PTER: variants seen among roughly 807,000 people sequenced by gnomAD.
PTER encodes the protein N-acetyltaurine hydrolase.
In PTER, 38 loss-of-function variants were observed where a neutral mutation model predicts 29.6. The observed-to-expected ratio is 1.28, with a 90% CI of 0.99 to 1.68. The LOEUF is 1.68. Among genes scored for constraint, PTER ranks in the 40% most tolerant of loss-of-function variants. The probability of loss-of-function intolerance (pLI) is 0.00; values close to 1 mark genes in which losing one functional copy is unlikely to be tolerated. For missense variants in PTER, 482 were observed against 427.8 expected, an observed-to-expected ratio of 1.13 and a Z score of -1.12; for synonymous variants, 172 against 154.5, an observed-to-expected ratio of 1.11 and a Z score of -0.84.
At chr10:16,502,980 C>A (rs1836412066) in intron 3 of PTER, among the ~76,000 whole-genome samples, 1 of 116,708 alleles carries the variant, frequency 8.6e-6, no homozygotes, top group Non-Finnish European at 1.6e-5. Flanking sequence ...CAGAGGGAGA[C>A]TCTGTCTCAA....
chr10:16,457,023 A>C (rs116054744), intron 1 of PTER, among the ~76,000 whole-genome samples: 5 of 152,196 alleles, frequency 3.3e-5, no homozygotes, highest in African/African-American at 9.6e-5. Context: ...TGAGTCCATT[A>C]AACCTTTTTT....
rs1836837957 is a variant in PTER, at chr10:16,512,182, T to C, written c.*926T>C. 1 of 152,204 alleles carries C rather than the reference T, an allele frequency of 6.6e-6. No individual in the cohort carries two copies. Among genetic ancestry groups the C allele is most frequent in the Non-Finnish European group, 1.5e-5 (1 of 67,986 alleles). 9.4% of individuals were successfully genotyped at this position (152,204 alleles called of 1,614,324 possible). On this transcript the variant is annotated 3_prime_UTR_variant, in exon 5 of 5. Transcript: ENST00000535784. The stretch of plus-strand genomic sequence containing the variant: ...GTATCTGAAGAAAAGGTCAGATCTA[T>C]TGGAAATGACAGCCCGATACTTGAG...
intron 1 of PTER, chr10:16,476,312 C>T (rs1021152138): frequency 6.6e-6 from 1 of 152,130 alleles, no homozygotes; most frequent in South Asian, 2.1e-4. Flanking sequence ...GAACTCCTGA[C>T]CTCGTGATCT....
intron 1 of PTER, among the ~76,000 whole-genome samples, chr10:16,484,033 C>T (rs930688284): frequency 2.0e-5 from 3 of 151,834 alleles, no homozygotes. Context: ...TTAAGAGATA[C>T]AATTAAGTTA....
At chr10:16,465,395 G>A (rs1039493615) in intron 1 of PTER, among the ~76,000 whole-genome samples, 1 of 152,140 alleles carries the variant, frequency 6.6e-6, no homozygotes, top group Non-Finnish European at 1.5e-5. Context: ...ATGTATGCAG[G>A]TGAAATTAGC....
chr10:16,480,388 G>T (rs1428392126), intron 1 of PTER, among the ~76,000 whole-genome samples: 1 of 151,838 alleles, frequency 6.6e-6, no homozygotes, highest in Non-Finnish European at 1.5e-5. Flanking sequence ...TAGAGACAGG[G>T]TTTCATCATG....
chr10:16,495,103 C>T (rs939095599), intron 3 of PTER, among the ~76,000 whole-genome samples: 1 of 148,176 alleles, frequency 6.7e-6, no homozygotes, highest in African/African-American at 2.5e-5. Flanking sequence ...CATAGCTGTA[C>T]AAATATTCAT....
At chr10:16,496,566 A>C (rs757151953) in intron 3 of PTER, among the ~76,000 whole-genome samples, 57 of 152,140 alleles carry the variant, frequency 3.7e-4, no homozygotes, top group Non-Finnish European at 7.5e-4. Flanking sequence ...CTCCTCTATG[A>C]AGCTTTTCCA....
At chr10:16,482,596 A>C (rs970735582) in intron 1 of PTER, among the ~76,000 whole-genome samples, 1 of 152,094 alleles carries the variant, frequency 6.6e-6, no homozygotes, top group African/African-American at 2.4e-5. Flanking sequence ...GATATGGGGG[A>C]AATGATGACT....
chr10:16,514,645 C>A (rs748536717), downstream of PTER: 13 of 1,613,904 alleles, frequency 8.1e-6, no homozygotes, highest in South Asian at 8.8e-5. Flanking sequence ...AATGAAGAAC[C>A]ACACTGTTAC....
At chr10:16,444,313 G>T (rs1395097141) in intron 1 of PTER, among the ~76,000 whole-genome samples, 2 of 151,104 alleles carry the variant, frequency 1.3e-5, no homozygotes, top group Admixed American at 6.6e-5. Flanking sequence ...TTTTTGAGAC[G>T]GTGTCTTGCT....
downstream of PTER, among the ~76,000 whole-genome samples, chr10:16,515,325 T>C (rs1168313230): frequency 2.6e-5 from 4 of 152,190 alleles, no homozygotes; most frequent in East Asian, 1.9e-4. Context: ...AGCTCATTTA[T>C]ACATCTTTGA....
At chr10:16,459,706 A>G (rs1251813657) in intron 1 of PTER, among the ~76,000 whole-genome samples, 5 of 151,940 alleles carry the variant, frequency 3.3e-5, no homozygotes, top group Non-Finnish European at 7.4e-5. Context: ...GCACTTAGAT[A>G]TGCTGTATAT....
At chr10:16,507,548 G>A (rs545559181) in intron 4 of PTER, among the ~76,000 whole-genome samples, 3 of 152,190 alleles carry the variant, frequency 2.0e-5, no homozygotes, top group Admixed American at 6.5e-5. Context: ...TCATAGTTGG[G>A]ACATCCTGAG....
chr10:16,503,188 T>C (rs1009143478), intron 3 of PTER, among the ~76,000 whole-genome samples: 4 of 149,026 alleles, frequency 2.7e-5, no homozygotes, highest in African/African-American at 9.8e-5. Context: ...CTCAAAGTGC[T>C]AGGATTACAG....
intron 1 of PTER, among the ~76,000 whole-genome samples, chr10:16,478,414 A>G (rs9663963): frequency 0.028 from 4,083 of 147,338 alleles, 172 homozygotes; most frequent in African/African-American, 0.098. Context: ...GCTCACTGCA[A>G]CCTCCGCCTC....
At chr10:16,477,590 G>A (rs969382850) in intron 1 of PTER, among the ~76,000 whole-genome samples, 1 of 152,158 alleles carries the variant, frequency 6.6e-6, no homozygotes, top group Non-Finnish European at 1.5e-5. Flanking sequence ...ATGCATGGAT[G>A]CCATCTGGAA....
intron 1 of PTER, among the ~76,000 whole-genome samples, chr10:16,479,308 T>G (rs947562047): frequency 5.3e-5 from 8 of 152,110 alleles, no homozygotes; most frequent in African/African-American, 1.9e-4. Flanking sequence ...AAGTTATAAA[T>G]GCACATGCAG....
chr10:16,505,211 A>G (rs1394541388), intron 4 of PTER, 51 bp downstream of exon 4: 1 of 1,596,124 alleles, frequency 6.3e-7, no homozygotes. Flanking sequence ...GCCCTTTTTG[A>G]TTGTCATATC....
Sources: allele counts gnomAD v4.1 joint callset (sites outside exome capture counted in the v4.1 genomes callset), GRCh38; gene constraint gnomAD v4.1.1; transcripts MANE v1.5; gene names NCBI Gene and HGNC (gene_info 2026-07-23, HGNC 2026-07-21).